RANBP2: variants seen among roughly 807,000 people sequenced by gnomAD.
RANBP2 encodes RAN binding protein 2.
In RANBP2, 57 loss-of-function variants were observed where a neutral mutation model predicts 303.6. That is an observed-to-expected ratio of 0.19 (90% CI 0.15 to 0.23). The LOEUF is 0.23. Ranked by LOEUF, RANBP2 falls within the 10% of genes least tolerant of loss-of-function variation. The probability of loss-of-function intolerance (pLI) is 1.00; values close to 1 mark genes in which losing one functional copy is unlikely to be tolerated. For missense variants in RANBP2, 3,138 were observed against 3,780.8 expected (o/e 0.83, Z 4.46); for synonymous variants, 1,167 against 1,301.5 (o/e 0.90, Z 2.23).
the RANBP2 span, among the ~76,000 whole-genome samples, chr2:109,243,143 A>C: frequency 6.6e-6 from 1 of 152,210 alleles, no homozygotes; most frequent in Non-Finnish European, 1.5e-5. Context: ...GGAGCAGGCT[A>C]TTGCCTTGTG....
the RANBP2 span, among the ~76,000 whole-genome samples, chr2:109,053,084 G>A: frequency 6.6e-6 from 1 of 152,182 alleles, no homozygotes; most frequent in African/African-American, 2.4e-5. Flanking sequence ...TCTCTGGAGG[G>A]TGAGGGCGCT....
chr2:109,419,784 C>T, the RANBP2 span: 625 of 720,946 alleles, frequency 8.7e-4, 5 homozygotes, highest in South Asian at 4.2e-3. Flanking sequence ...CTAATAACAC[C>T]GCTGAAGGGA....
chr2:109,185,771 A>G, the RANBP2 span, among the ~76,000 whole-genome samples: 2 of 152,242 alleles, frequency 1.3e-5, no homozygotes, highest in East Asian at 1.9e-4. Context: ...TGTGATTTCA[A>G]ATTAACTTGG....
the RANBP2 span, among the ~76,000 whole-genome samples, chr2:109,464,626 T>C: frequency 1.3e-5 from 2 of 152,200 alleles, no homozygotes; most frequent in Admixed American, 6.5e-5. Flanking sequence ...ATATTGGAAG[T>C]CATCCTTCCA....
At chr2:108,871,601 G>T in the RANBP2 span, among the ~76,000 whole-genome samples, 1 of 151,852 alleles carries the variant, frequency 6.6e-6, no homozygotes, top group African/African-American at 2.4e-5. Flanking sequence ...AAAAAACATT[G>T]TCCCATTTTT....
the RANBP2 span, among the ~76,000 whole-genome samples, chr2:109,714,141 C>A: frequency 7.2e-5 from 11 of 152,228 alleles, no homozygotes; most frequent in South Asian, 2.3e-3. Flanking sequence ...AGTACAGTGG[C>A]ATGATCTCAG....
chr2:109,152,779 C>G, the RANBP2 span, among the ~76,000 whole-genome samples: 1 of 152,008 alleles, frequency 6.6e-6, no homozygotes, highest in African/African-American at 2.4e-5. Flanking sequence ...CCCTCCCAGG[C>G]CCGATGGCCT....
the RANBP2 span, among the ~76,000 whole-genome samples, chr2:109,367,110 G>C: frequency 7.0e-6 from 1 of 142,358 alleles, no homozygotes; most frequent in Non-Finnish European, 1.5e-5. Context: ...ATGCCACTGT[G>C]CCCTGGTAAT....
chr2:109,430,137 G>C, the RANBP2 span, among the ~76,000 whole-genome samples: 1 of 152,198 alleles, frequency 6.6e-6, no homozygotes, highest in Non-Finnish European at 1.5e-5. Context: ...GGCAGCCCCG[G>C]ACCCCAGAAC....
the RANBP2 span, among the ~76,000 whole-genome samples, chr2:109,701,494 G>C: frequency 6.6e-6 from 1 of 152,188 alleles, no homozygotes. Context: ...GTCAGAAGTA[G>C]ACAAGAGACA....
the RANBP2 span, among the ~76,000 whole-genome samples, chr2:109,625,907 G>A: frequency 6.6e-6 from 1 of 152,164 alleles, no homozygotes. Context: ...TTACCTCCGG[G>A]AGAAGGGGAG....
chr2:109,562,510 C>T, the RANBP2 span, among the ~76,000 whole-genome samples: 1 of 151,116 alleles, frequency 6.6e-6, no homozygotes. Context: ...AGATAGCAGA[C>T]AAACTATTTG....
the RANBP2 span, among the ~76,000 whole-genome samples, chr2:109,558,458 G>A: frequency 1.3e-5 from 2 of 152,168 alleles, no homozygotes; most frequent in African/African-American, 4.8e-5. Context: ...AGTTAAAGGT[G>A]ATTAACTGTG....
the RANBP2 span, among the ~76,000 whole-genome samples, chr2:109,343,365 C>CT: frequency 3.7e-3 from 559 of 150,708 alleles, 2 homozygotes; most frequent in African/African-American, 0.012. Flanking sequence ...TTCCTTGACT[C>CT]TTTTTTTTTT....
chr2:109,620,001 C>CT, the RANBP2 span, among the ~76,000 whole-genome samples: 1 of 152,252 alleles, frequency 6.6e-6, no homozygotes, highest in Middle Eastern at 3.4e-3. Context: ...GAACACTATA[C>CT]TTTTTTTCTC....
the RANBP2 span, among the ~76,000 whole-genome samples, chr2:109,704,652 A>G: frequency 3.3e-5 from 5 of 152,094 alleles, no homozygotes; most frequent in African/African-American, 1.2e-4. Flanking sequence ...GAGTTCGAGA[A>G]CAGCCTGACT....
At chr2:109,199,583 G>GTTCC in the RANBP2 span, among the ~76,000 whole-genome samples, 1 of 226 alleles carries the variant, frequency 4.4e-3, no homozygotes, top group Non-Finnish European at 8.8e-3. Context: ...GGAATGGAAT[G>GTTCC]GAATGGAATG....
chr2:109,107,142 G>A, the RANBP2 span, among the ~76,000 whole-genome samples: 7 of 151,462 alleles, frequency 4.6e-5, no homozygotes, highest in Admixed American at 1.3e-4. Flanking sequence ...GTTTCACCAT[G>A]TGTTGGCGAG....
chr2:108,803,879 C>CTT, the RANBP2 span, among the ~76,000 whole-genome samples: 1 of 152,106 alleles, frequency 6.6e-6, no homozygotes, highest in South Asian at 2.1e-4. Flanking sequence ...TTTTTAGTAT[C>CTT]TTTTAGATAT....
Sources: allele counts gnomAD v4.1 joint callset (sites outside exome capture counted in the v4.1 genomes callset), GRCh38; gene constraint gnomAD v4.1.1; transcripts MANE v1.5; gene names NCBI Gene and HGNC (gene_info 2026-07-23, HGNC 2026-07-21).